BRINP3: variants seen among roughly 807,000 people sequenced by gnomAD.
BRINP3 encodes the protein BMP/retinoic acid-inducible neural-specific protein 3.
Under a neutral mutation model 71.0 loss-of-function variants are expected in BRINP3, and 19 were observed. The ratio of observed to expected loss-of-function variants is 0.27; its 90% confidence interval spans 0.19 to 0.39. The LOEUF is 0.39. Among genes scored for constraint, BRINP3 ranks in the 10% least tolerant of loss-of-function variants. The pLI is 1.00. For missense variants in BRINP3, 959 were observed against 940.8 expected, an observed-to-expected ratio of 1.02 and a Z score of -0.25; for synonymous variants, 380 against 337.7, an observed-to-expected ratio of 1.13 and a Z score of -1.37.
intron 7 of BRINP3, among the ~76,000 whole-genome samples, chr1:190,110,605 GA>G: frequency 6.6e-6 from 1 of 152,280 alleles, no homozygotes; most frequent in Non-Finnish European, 1.5e-5. Context: ...GTTAAAGCCA[GA>G]TGACTGTTGG....
intron 7 of BRINP3, among the ~76,000 whole-genome samples, chr1:190,108,995 CG>C (rs1652437974): frequency 2.0e-5 from 3 of 151,930 alleles, no homozygotes; most frequent in Admixed American, 2.0e-4. Flanking sequence ...GGAGAAGATC[CG>C]TAAGTTTTTT....
At chr1:190,167,947 G>T (rs1043081216) in intron 6 of BRINP3, among the ~76,000 whole-genome samples, 2 of 152,122 alleles carry the variant, frequency 1.3e-5, no homozygotes, top group Admixed American at 6.6e-5. Context: ...ATTGGCATTT[G>T]TCTATAGGAT....
chr1:190,170,299 T>A (rs1468759894), intron 6 of BRINP3, among the ~76,000 whole-genome samples: 1 of 152,040 alleles, frequency 6.6e-6, no homozygotes, highest in Non-Finnish European at 1.5e-5. Flanking sequence ...AAGGAAAGAA[T>A]TTTATATTTC....
At chr1:190,447,336 A>T (rs1675289998) in intron 2 of BRINP3, among the ~76,000 whole-genome samples, 1 of 145,382 alleles carries the variant, frequency 6.9e-6, no homozygotes, top group Admixed American at 7.0e-5. Context: ...TTTAACCAAC[A>T]TTTTTGAACA....
At chr1:190,348,843 T>G (rs1358544861) in intron 2 of BRINP3, among the ~76,000 whole-genome samples, 2 of 152,168 alleles carry the variant, frequency 1.3e-5, no homozygotes, top group Admixed American at 1.3e-4. Flanking sequence ...AGGATCAACC[T>G]TGATTTAATC....
At position 190,397,071 on chromosome 1, in the gene BRINP3, A is replaced by G. The variant is rs540857048; in HGVS notation, c.236+57584T>C. On this transcript the variant is annotated intron_variant, in intron 2 of 7. Transcript: ENST00000367462. ...GTTGTGTTTGCCACTGTGGACTAAG[A>G]ATTAATTGGTCCTGTGACTACCTCT... 6.3e-4 allele frequency among the ~76,000 whole-genome samples: 96 copies of G among 151,974 alleles called. 4 individuals are homozygous for G. Among genetic ancestry groups the G allele is most frequent in the Middle Eastern group, 6.8e-3 (2 of 294 alleles).
chr1:190,419,850 G>A (rs1336998601), intron 2 of BRINP3, among the ~76,000 whole-genome samples: 3 of 149,040 alleles, frequency 2.0e-5, no homozygotes, highest in Non-Finnish European at 4.5e-5. Flanking sequence ...AAGAAAAAAA[G>A]AATCCCTGAT....
chr1:190,288,799 C>G (rs1663631943), intron 2 of BRINP3, among the ~76,000 whole-genome samples: 1 of 151,686 alleles, frequency 6.6e-6, no homozygotes, highest in Admixed American at 6.6e-5. Context: ...TAAAAATTTA[C>G]AAAAGAATTT....
chr1:190,137,657 G>A (rs370699081), intron 7 of BRINP3, among the ~76,000 whole-genome samples: 1 of 152,014 alleles, frequency 6.6e-6, no homozygotes, highest in African/African-American at 2.4e-5. Flanking sequence ...GAAGTGATAC[G>A]CCATTTGATC....
intron 7 of BRINP3, among the ~76,000 whole-genome samples, chr1:190,125,341 ATATAT>A (rs1250789794): frequency 1.3e-5 from 2 of 151,214 alleles, no homozygotes; most frequent in Non-Finnish European, 2.9e-5. Flanking sequence ...ATATATACAC[ATATAT>A]TATATATATA....
chr1:190,380,133 T>G (rs536803775), intron 2 of BRINP3, among the ~76,000 whole-genome samples: 1 of 152,286 alleles, frequency 6.6e-6, no homozygotes, highest in South Asian at 2.1e-4. Context: ...CCTTGTTGGA[T>G]GCCTGTAACA....
In BRINP3 at chr1:190,405,450, C is replaced by CAAAAAA. The variant is rs1334402738; in HGVS notation, c.236+49199_236+49204dup. Among the ~76,000 whole-genome samples the CAAAAAA allele has an allele frequency of 7.7e-4, 30 of 39,138 alleles. 1 individual carries two copies. Among genetic ancestry groups the CAAAAAA allele is most frequent in the African/African-American group, 2.1e-3 (15 of 7,258 alleles). The allele number at this position is 39,138 out of a possible 152,430, so 25.7% of individuals were successfully genotyped here. A position where few individuals can be genotyped will look rare whatever the true frequency, so the allele number is the denominator to read the frequency against. ...TGGGCGACAGAGCGAGACTCCGTCTCAAAAAAAAAAAAAAAAAAAAAAAAA... is the reference window on the plus strand; with the variant it reads ...TGGGCGACAGAGCGAGACTCCGTCTCAAAAAAAAAAAAAAAAAAAAAAAAAAAAAAA... On this transcript the variant is annotated intron_variant, in intron 2 of 7. Coordinates refer to ENST00000367462, the MANE Select transcript of BRINP3 (RefSeq NM_199051.3).
chr1:190,127,740 T>A (rs1188401989), intron 7 of BRINP3, among the ~76,000 whole-genome samples: 1 of 151,828 alleles, frequency 6.6e-6, no homozygotes, highest in Non-Finnish European at 1.5e-5. Flanking sequence ...CAATTATGGG[T>A]ATATATGGCA....
intron 5 of BRINP3, among the ~76,000 whole-genome samples, chr1:190,229,691 A>AC (rs1553265291): frequency 3.7e-5 from 4 of 109,110 alleles, no homozygotes; most frequent in South Asian, 3.1e-4. Context: ...CACACACACA[A>AC]AGAAACCACT....
chr1:190,322,477 G>A (rs757511259), intron 2 of BRINP3, among the ~76,000 whole-genome samples: 6 of 151,950 alleles, frequency 3.9e-5, no homozygotes, highest in East Asian at 1.9e-4. Context: ...CATGGATTGC[G>A]TATACACATG....
At chr1:190,356,354 G>A (rs1005041881) in intron 2 of BRINP3, among the ~76,000 whole-genome samples, 3 of 151,862 alleles carry the variant, frequency 2.0e-5, no homozygotes, top group Admixed American at 6.6e-5. Context: ...CCTATGACCC[G>A]ATAAGAAGAT....
chr1:190,122,975 C>T (rs1653799471), intron 7 of BRINP3, among the ~76,000 whole-genome samples: 1 of 151,164 alleles, frequency 6.6e-6, no homozygotes, highest in South Asian at 2.1e-4. Flanking sequence ...TTTGAATTAT[C>T]CTTCTGTTGG....
intron 2 of BRINP3, among the ~76,000 whole-genome samples, chr1:190,448,073 T>A (rs1675347694): frequency 6.6e-6 from 1 of 151,882 alleles, no homozygotes; most frequent in East Asian, 1.9e-4. Flanking sequence ...TTATGTGTTT[T>A]GTTTTACTTA....
intron 6 of BRINP3, among the ~76,000 whole-genome samples, chr1:190,203,479 G>GTGTA (rs1553258912): frequency 8.4e-4 from 123 of 147,074 alleles, no homozygotes; most frequent in African/African-American, 1.5e-3. Context: ...GTGTGTGTGT[G>GTGTA]TATATATATA....
Sources: gnomAD v4.1 joint callset for allele counts (sites outside exome capture counted in the v4.1 genomes callset) on GRCh38, gnomAD v4.1.1 for gene constraint, MANE v1.5 for transcripts, NCBI Gene and HGNC (gene_info 2026-07-23, HGNC 2026-07-21) for gene names.